ZNF492: variants seen among roughly 807,000 people sequenced by gnomAD.
ZNF492 encodes zinc finger protein 492.
In ZNF492, 3 loss-of-function variants were observed where a neutral mutation model predicts 6.4. The observed-to-expected ratio is 0.47, with a 90% CI of 0.21 to 1.22. ZNF492 has a LOEUF of 1.22. Ranked by LOEUF, ZNF492 falls within the 50% of genes most tolerant of loss-of-function variation. The pLI, the probability that ZNF492 is intolerant of heterozygous loss-of-function variation, is 0.22. For missense variants in ZNF492, 356 were observed against 612.5 expected, an observed-to-expected ratio of 0.58 and a Z score of 4.42; for synonymous variants, 112 against 205.3, an observed-to-expected ratio of 0.55 and a Z score of 3.89.
chr19:22,655,831 T>G (rs1971991084), intron 3 of ZNF492, among the ~76,000 whole-genome samples: 2 of 141,376 alleles, frequency 1.4e-5, no homozygotes, highest in Non-Finnish European at 1.5e-5. Context: ...TTTTTTTTTT[T>G]TTTTTTTTTT....
chr19:22,662,100 C>G (rs1257568217), intron 3 of ZNF492, among the ~76,000 whole-genome samples: 1 of 152,138 alleles, frequency 6.6e-6, no homozygotes, highest in African/African-American at 2.4e-5. Flanking sequence ...CATACCCCGA[C>G]AGGCCCTGTT....
chr19:22,655,370 T>TA (rs1232042727), intron 3 of ZNF492, among the ~76,000 whole-genome samples: 79 of 152,188 alleles, frequency 5.2e-4, no homozygotes, highest in African/African-American at 1.9e-3. Flanking sequence ...AATTTTTTTT[T>TA]ATTGATGTAT....
At chr19:22,638,829 A>C (rs1971794236) in intron 1 of ZNF492, among the ~76,000 whole-genome samples, 1 of 146,286 alleles carries the variant, frequency 6.8e-6, no homozygotes, top group South Asian at 2.1e-4. Context: ...TATTTTAATA[A>C]TATTGATCTT....
At chr19:22,637,743 A>G (rs140307874) in intron 1 of ZNF492, among the ~76,000 whole-genome samples, 28 of 152,336 alleles carry the variant, frequency 1.8e-4, no homozygotes, top group Non-Finnish European at 4.0e-4. Flanking sequence ...ATGCCCAATT[A>G]TGAGGTTGCT....
At chr19:22,635,988 C>T (rs1971757463) in intron 1 of ZNF492, among the ~76,000 whole-genome samples, 2 of 152,180 alleles carry the variant, frequency 1.3e-5, no homozygotes, top group African/African-American at 2.4e-5. Context: ...TAGCACCAAA[C>T]AGGTACTTTT....
chr19:22,636,535 TG>T (rs1971766414), intron 1 of ZNF492, among the ~76,000 whole-genome samples: 2 of 151,702 alleles, frequency 1.3e-5, no homozygotes, highest in African/African-American at 4.9e-5. Context: ...TGTGTGTGTG[TG>T]TGTGTGTGTT....
At chr19:22,645,153 T>G (rs1229967042) in intron 1 of ZNF492, among the ~76,000 whole-genome samples, 1 of 152,012 alleles carries the variant, frequency 6.6e-6, no homozygotes, top group Admixed American at 6.6e-5. Flanking sequence ...TTCAAGTGAT[T>G]CTCCTGCCCC....
intron 1 of ZNF492, among the ~76,000 whole-genome samples, chr19:22,646,627 C>T (rs1235096165): frequency 6.6e-6 from 1 of 152,160 alleles, no homozygotes; most frequent in Middle Eastern, 3.2e-3. Context: ...AGCTTTTTCC[C>T]ATTCAATATG....
chr19:22,667,002 G>GT lies in ZNF492; in HGVS notation c.*1738dup, dbSNP rs1972136879. 6.6e-6 allele frequency: 1 copy of GT among 152,332 alleles called. No individual in the cohort carries two copies. The highest frequency in any genetic ancestry group is 2.4e-5 in the African/African-American group (1 of 41,540). 9.4% of individuals were successfully genotyped at this position (152,332 alleles called of 1,614,324 possible). On this transcript the variant is annotated 3_prime_UTR_variant, in exon 4 of 4. Coordinates refer to ENST00000456783, the MANE Select transcript of ZNF492 (RefSeq NM_020855.3). ...CCAGCACTTTGGGAGGCAAAGGTGGGTAGATCACCTGAGGTCGGGAGTTCA... is the reference window on the plus strand; with the variant it reads ...CCAGCACTTTGGGAGGCAAAGGTGGGTTAGATCACCTGAGGTCGGGAGTTCA...
intron 1 of ZNF492, among the ~76,000 whole-genome samples, chr19:22,638,059 G>C (rs1402871631): frequency 6.6e-6 from 1 of 151,832 alleles, no homozygotes; most frequent in Non-Finnish European, 1.5e-5. Flanking sequence ...CTACTTTTTA[G>C]GTCTTTTTTT....
intron 3 of ZNF492, among the ~76,000 whole-genome samples, chr19:22,662,779 T>TTG (rs1456535732): frequency 2.6e-5 from 4 of 151,240 alleles, no homozygotes. Context: ...TTTGATGGGG[T>TTG]TGTTAGTTTT....
intron 3 of ZNF492, among the ~76,000 whole-genome samples, chr19:22,661,780 G>C (rs911527868): frequency 7.9e-5 from 12 of 152,036 alleles, no homozygotes; most frequent in Non-Finnish European, 1.2e-4. Context: ...ATTTTTAGTA[G>C]AGACAGGGTT....
At chr19:22,663,415 G>A (rs775996104) in intron 3 of ZNF492, among the ~76,000 whole-genome samples, 115 of 152,054 alleles carry the variant, frequency 7.6e-4, no homozygotes, top group Non-Finnish European at 1.2e-3. Context: ...AAAAGCCCCT[G>A]CCATTGAGAA....
At chr19:22,659,700 C>G (rs1409769988) in intron 3 of ZNF492, among the ~76,000 whole-genome samples, 2 of 139,878 alleles carry the variant, frequency 1.4e-5, no homozygotes, top group East Asian at 2.2e-4. Flanking sequence ...GAGTCTCACT[C>G]TGTGTCCCAG....
rs571040285 is a variant in ZNF492 at position 22,666,980 on chromosome 19, G to C, written c.*1715G>C. The C allele has an allele frequency of 1.1e-4, 17 of 152,350 alleles. No homozygotes were observed. Among genetic ancestry groups the C allele is most frequent in the African/African-American group, 3.9e-4 (16 of 41,556 alleles). 9.4% of individuals were successfully genotyped at this position (152,350 alleles called of 1,614,324 possible). A position where few individuals can be genotyped will look rare whatever the true frequency, so the allele number is the denominator to read the frequency against. On this transcript the variant is annotated 3_prime_UTR_variant, in exon 4 of 4. Transcript: ENST00000456783. ...ACGGTGGCTCACGCCTGTAATCCCA[G>C]CACTTTGGGAGGCAAAGGTGGGTAG... is the stretch of plus-strand genomic sequence containing the variant.
At chr19:22,651,834 G>A (rs1405624184) in intron 1 of ZNF492, among the ~76,000 whole-genome samples, 2 of 146,768 alleles carry the variant, frequency 1.4e-5, no homozygotes, top group Non-Finnish European at 3.0e-5. Context: ...CATTTATTAC[G>A]CAGAAAGTTT....
rs147766272 is a variant in ZNF492 at position 22,665,364 on chromosome 19, A to G, written c.*99A>G. 4.6e-4 allele frequency: 681 copies of G among 1,490,584 alleles called. 4 individuals carry two copies. The African/African-American group carries it at 8.8e-3, about 19-fold the overall frequency. The allele number at this position is 1,490,584 out of a possible 1,614,324, so 92.3% of individuals were successfully genotyped here. ...AAAACTTCTACAAGTGTGAATGAAC[A>G]GTGTGGCAAAACTTACACAATGCTC... is the stretch of plus-strand genomic sequence containing the variant. On this transcript the variant is annotated 3_prime_UTR_variant, in exon 4 of 4. Coordinates refer to ENST00000456783, the MANE Select transcript of ZNF492 (RefSeq NM_020855.3).
rs188330192 is a variant in ZNF492, at chr19:22,642,491, G to A, written c.-94+8017G>A. Among the ~76,000 whole-genome samples, 49 of 126,096 alleles carry A rather than the reference G, an allele frequency of 3.9e-4. 2 individuals carry two copies. The East Asian group carries it at 0.012, about 30-fold the overall frequency. The allele number at this position is 126,096 out of a possible 152,430, so 82.7% of individuals were successfully genotyped here. On this transcript the variant is annotated intron_variant, in intron 1 of 3. Transcript: ENST00000456783. ...TGCAAGCTCTGCCTCCCGGGTTCAC[G>A]CCATTCTGCTGCCTCAGCCTCCTGC...
chr19:22,645,335 C>T (rs1971867431), intron 1 of ZNF492, among the ~76,000 whole-genome samples: 1 of 152,184 alleles, frequency 6.6e-6, no homozygotes. Context: ...GCATGAGCCA[C>T]TACACCCAGC....
Sources: gnomAD v4.1 joint callset for allele counts (sites outside exome capture counted in the v4.1 genomes callset) on GRCh38, gnomAD v4.1.1 for gene constraint, MANE v1.5 for transcripts, NCBI Gene and HGNC (gene_info 2026-07-23, HGNC 2026-07-21) for gene names.